Variants in RABGAP1 observed in about 807,000 individuals in gnomAD.
RABGAP1 encodes the protein RAB GTPase activating protein 1, also known as rab GTPase-activating protein 1.
In RABGAP1, 23 loss-of-function variants were observed where a neutral mutation model predicts 137.6. The ratio of observed to expected loss-of-function variants is 0.17; its 90% CI spans 0.12 to 0.24. The LOEUF (loss-of-function observed/expected upper bound fraction) is 0.24, where lower values mean the gene tolerates loss of function less well. Among genes scored for constraint, RABGAP1 ranks in the 10% least tolerant of loss-of-function variants. RABGAP1 has a pLI of 1.00. For synonymous variants in RABGAP1, 451 were observed against 450.7 expected (o/e 1.00, Z -0.01); for missense variants, 906 against 1,275.8 (o/e 0.71, Z 4.42).
Position 122,990,063 on chromosome 9 carries a change from G to T in RABGAP1, c.773G>T (p.Arg258Leu), listed in dbSNP as rs573615178. Residue 258 changes from arginine to leucine, a missense_variant, in exon 6 of 26, where the codon CGG becomes CTG. By Grantham distance (102) the Arg-to-Leu change is moderately radical (BLOSUM62 -2). Coordinates refer to ENST00000373647, the MANE Select transcript of RABGAP1 (RefSeq NM_012197.4). ...TAACATGTCTGGTTGTAGGTAAGCC[G>T]GATACTTTACAGTTTTGCCACTGCC... ...FRCEIQEAVS[R>L]ILYSFATAFR... The T allele has an allele frequency of 6.2e-7, 1 of 1,603,284 alleles. No individual in the cohort carries two copies. The highest frequency in any genetic ancestry group is 2.2e-5 in the East Asian group (1 of 44,606).
intron 2 of RABGAP1, among the ~76,000 whole-genome samples, chr9:122,969,615 C>T (rs1310336089): frequency 2.0e-5 from 3 of 151,874 alleles, no homozygotes; most frequent in Admixed American, 2.0e-4. Flanking sequence ...TATCGTTTCT[C>T]AGCCCCTAGT....
chr9:122,934,011 T>G, the RABGAP1 span, among the ~76,000 whole-genome samples: 3 of 152,142 alleles, frequency 2.0e-5, no homozygotes, highest in Non-Finnish European at 4.4e-5. Flanking sequence ...CAAGCTATCT[T>G]TGGTCTCCCA....
chr9:123,074,049 C>T (rs1264710001), intron 16 of RABGAP1, among the ~76,000 whole-genome samples: 2 of 152,266 alleles, frequency 1.3e-5, no homozygotes, highest in African/African-American at 2.4e-5. Flanking sequence ...ACAGGCTTTC[C>T]AAATACTTGT....
chr9:123,094,646 G>C (rs1371223929), intron 21 of RABGAP1, among the ~76,000 whole-genome samples: 1 of 152,098 alleles, frequency 6.6e-6, no homozygotes, highest in East Asian at 1.9e-4. Context: ...TGTCATTAGG[G>C]AATGCTGGCC....
rs1834630840 is a variant in RABGAP1, at chr9:122,958,074, C to T, written c.150+865C>T. ...CTATCCCTACTGCTCAGTTAGGCAC[C>T]CCCTAACTGGGAATCAGTGCTTCCC... On this transcript the variant is annotated intron_variant, in intron 2 of 25. Coordinates refer to ENST00000373647, the MANE Select transcript of RABGAP1 (RefSeq NM_012197.4). Among the ~76,000 whole-genome samples, 5 of 152,144 alleles carry T rather than the reference C, an allele frequency of 3.3e-5. 1 individual carries two copies. In the South Asian group the frequency reaches 1.0e-3, roughly 32 times the overall value.
At chr9:122,977,310 C>A (rs911046684) in intron 2 of RABGAP1, among the ~76,000 whole-genome samples, 1 of 152,070 alleles carries the variant, frequency 6.6e-6, no homozygotes, top group Admixed American at 6.6e-5. Flanking sequence ...AGACAAGGGT[C>A]AATAGGATTT....
chr9:123,061,303 T>C (rs1039796503), intron 13 of RABGAP1, among the ~76,000 whole-genome samples: 2 of 152,086 alleles, frequency 1.3e-5, no homozygotes, highest in African/African-American at 2.4e-5. Flanking sequence ...TTTGTAGAGA[T>C]GAGATTTTGC....
At chr9:123,057,377 G>C (rs1256209516) in intron 13 of RABGAP1, among the ~76,000 whole-genome samples, 1 of 151,570 alleles carries the variant, frequency 6.6e-6, no homozygotes, top group Non-Finnish European at 1.5e-5. Context: ...CCCAGACGGG[G>C]TTGCGGCCGG....
intron 4 of RABGAP1, among the ~76,000 whole-genome samples, chr9:122,986,835 A>T (rs1836396333): frequency 6.6e-6 from 1 of 152,158 alleles, no homozygotes; most frequent in African/African-American, 2.4e-5. Context: ...AATTTTTATG[A>T]TGAGAAAACT....
At chr9:122,937,825 C>T (rs1209203712), upstream of RABGAP1, 1 of 152,346 alleles carries the variant, frequency 6.6e-6, no homozygotes, top group Non-Finnish European at 1.5e-5. Flanking sequence ...AACCTCATCT[C>T]TACTAAAAAT....
intron 19 of RABGAP1, among the ~76,000 whole-genome samples, chr9:123,083,109 C>G (rs1299162330): frequency 6.6e-6 from 1 of 152,192 alleles, no homozygotes; most frequent in East Asian, 1.9e-4. Flanking sequence ...TGTAAACTCT[C>G]AAAGGATATA....
the RABGAP1 span, among the ~76,000 whole-genome samples, chr9:122,935,705 CATAATT>C: frequency 6.6e-6 from 1 of 152,192 alleles, no homozygotes. Flanking sequence ...AGTTACAAAT[CATAATT>C]ATAATAATTG....
rs747137551 is a variant in RABGAP1, at chr9:122,989,706, G to T, written c.765+235G>T. 6 of 555,450 alleles carry T rather than the reference G, an allele frequency of 1.1e-5. No homozygotes were observed. In the East Asian group the frequency reaches 1.2e-4, roughly 11 times the overall value. The allele number at this position is 555,450 out of a possible 1,614,324, so 34.4% of individuals were successfully genotyped here. On this transcript the variant is annotated intron_variant, in intron 5 of 25. Coordinates refer to ENST00000373647, the MANE Select transcript of RABGAP1 (RefSeq NM_012197.4). The stretch of plus-strand genomic sequence containing the variant: ...GAGATCTGTTGGCTACTTTTGATTG[G>T]GTTAAGTAGGCATTCTGGTTCTAAC...
intron 1 of RABGAP1, among the ~76,000 whole-genome samples, 174 bp downstream of exon 1, chr9:122,941,267 G>C (rs1833542847): frequency 6.6e-6 from 1 of 152,352 alleles, no homozygotes; most frequent in East Asian, 1.9e-4. Context: ...CCGTGATTGG[G>C]GGGAGGGGGA....
chr9:123,045,821 G>A (rs2033180093), intron 13 of RABGAP1, among the ~76,000 whole-genome samples: 3 of 152,102 alleles, frequency 2.0e-5, no homozygotes, highest in Admixed American at 2.0e-4. Flanking sequence ...TGCAAAATGG[G>A]ATAATACTAC....
intron 10 of RABGAP1, among the ~76,000 whole-genome samples, chr9:123,000,753 G>A (rs771612010): frequency 1.3e-4 from 20 of 151,746 alleles, no homozygotes; most frequent in Admixed American, 4.6e-4. Flanking sequence ...GGCTCCAGAA[G>A]TCTGCTTACC....
In RABGAP1 at chr9:123,104,798, T is replaced by C. The variant is rs769432564; in HGVS notation, c.*1585T>C. The C allele has an allele frequency of 6.6e-6, 1 of 152,218 alleles. No homozygotes were observed. Among genetic ancestry groups the C allele is most frequent in the Non-Finnish European group, 1.5e-5 (1 of 68,044 alleles). The allele number at this position is 152,218 out of a possible 1,614,324, so 9.4% of individuals were successfully genotyped here. On this transcript the variant is annotated 3_prime_UTR_variant, in exon 26 of 26. Coordinates refer to ENST00000373647, the MANE Select transcript of RABGAP1 (RefSeq NM_012197.4). ...TGAATTGAAATATAAACCAGTAAAA[T>C]TGTATTACTGTTTCTTTTGTTGGTT...
intron 19 of RABGAP1, among the ~76,000 whole-genome samples, chr9:123,077,681 ATTGTATTG>A: frequency 7.8e-6 from 1 of 127,682 alleles, no homozygotes; most frequent in African/African-American, 3.2e-5. Context: ...ATTGTATTGT[ATTGTATTG>A]TATTTATTTT....
intron 13 of RABGAP1, among the ~76,000 whole-genome samples, chr9:123,048,710 T>C (rs1043699015): frequency 5.3e-5 from 8 of 152,374 alleles, no homozygotes; most frequent in African/African-American, 1.7e-4. Context: ...TAAATTACCT[T>C]CCCCCTTTGA....
Sources: gnomAD v4.1 joint callset for allele counts (sites outside exome capture counted in the v4.1 genomes callset) on GRCh38, gnomAD v4.1.1 for gene constraint, MANE v1.5 for transcripts, NCBI Gene and HGNC (gene_info 2026-07-23, HGNC 2026-07-21) for gene names.